The following BCL9L variants were observed in gnomAD, a reference collection of about 807,000 sequenced individuals.
The protein encoded by BCL9L is B-cell CLL/lymphoma 9-like protein.
BCL9L carries 19 observed loss-of-function variants against 99.4 expected under a neutral mutation model. The observed-to-expected ratio is 0.19, with a 90% CI of 0.13 to 0.28. The LOEUF is 0.28. Among genes scored for constraint, BCL9L ranks in the 10% least tolerant of loss-of-function variants. The pLI is 1.00. For missense variants in BCL9L, 2,023 were observed against 2,101.6 expected, an observed-to-expected ratio of 0.96 and a Z score of 0.73; for synonymous variants, 900 against 854.8, an observed-to-expected ratio of 1.05 and a Z score of -0.92.
intron 9 of BCL9L, among the ~76,000 whole-genome samples, 177 bp from the exon 10 acceptor site, chr11:118,899,685 C>G (rs1026377972): frequency 6.6e-6 from 1 of 152,098 alleles, no homozygotes; most frequent in South Asian, 2.1e-4. Context: ...GCCAAGAGAC[C>G]AAGTTCTGGC....
chr11:118,902,769 C>A lies in BCL9L; in HGVS notation c.974G>T (p.Gly325Val), dbSNP rs1940326685. 2 of 1,583,720 alleles carry A rather than the reference C, an allele frequency of 1.3e-6. No individual in the cohort carries two copies. The highest frequency in any genetic ancestry group is 1.7e-6 in the Non-Finnish European group (2 of 1,172,556). The part of the protein sequence containing the change: ...GSAPPALPPE[G>V]PPEDSSQDLA... ...GTCCTGACTGCTGTCCTCAGGAGGC[C>A]CCTCTGGGGGCAGAGCAGGCGGGGC... The change falls in exon 8 of 10, where the codon GGG (glycine) becomes GTG (valine). Residue 325 changes from glycine (G) to valine (V), a missense_variant. Coordinates refer to ENST00000683865, the MANE Select transcript of BCL9L (RefSeq NM_001378213.1). This position sits in a 1 kb window ranked among gnomAD's most constrained non-coding sequence, Gnocchi z 7.8.
At chr11:118,924,321 CCAGACA>C (rs55715016) in intron 1 of BCL9L, among the ~76,000 whole-genome samples, 91 of 150,194 alleles carry the variant, frequency 6.1e-4, no homozygotes, top group South Asian at 8.5e-4. Flanking sequence ...AGAGGTTCCC[CCAGACA>C]CAGACACAGA....
rs948907311 is a variant in BCL9L at position 118,922,931 on chromosome 11, C to G, written c.-131+2307G>C. On this transcript the variant is annotated intron_variant, in intron 1 of 9. Coordinates refer to ENST00000683865, the MANE Select transcript of BCL9L (RefSeq NM_001378213.1). This position sits in a 1 kb window ranked among gnomAD's most constrained non-coding sequence, Gnocchi z 6.2. ...TGGGAAGACTGGAAACTTGAACACC[C>G]CAGCTCTCCAGAGCTGTCCCAGGGT... Among the ~76,000 whole-genome samples, 2 of 152,090 alleles carry G rather than the reference C, an allele frequency of 1.3e-5. No individual in the cohort carries two copies. Among genetic ancestry groups the G allele is most frequent in the African/African-American group, 2.4e-5 (1 of 41,426 alleles).
rs777304793 is a variant in BCL9L at position 118,902,553 on chromosome 11, T to C, written c.1190A>G (p.Glu397Gly). Residue 397 changes from glutamate (E) to glycine (G), a missense_variant, in exon 8 of 10, where the codon GAG (glutamate) becomes GGG (glycine). Physicochemically the swap from Glu to Gly is moderately conservative, Grantham distance 98. Around this residue, in one of 3 missense-constraint regions of BCL9L, gnomAD observed 1,116 missense variants for 1,194.6 expected, o/e 0.93. Coordinates refer to ENST00000683865, the MANE Select transcript of BCL9L (RefSeq NM_001378213.1). The surrounding 1 kb of genome is among the most constrained non-coding windows in gnomAD (Gnocchi z 7.8). ...GNGQRSLVGSEGLSKEQLEHR... is the reference protein window; with the variant it reads ...GNGQRSLVGSGGLSKEQLEHR... Reference sequence around the variant, plus strand: ...CTCCAGCTGCTCTTTGGACAAGCCCTCTGAGCCCACCAGGCTGCGCTGCCC... The same window carrying C: ...CTCCAGCTGCTCTTTGGACAAGCCCCCTGAGCCCACCAGGCTGCGCTGCCC... 6.2e-7 allele frequency: 1 copy of C among 1,602,236 alleles called. No homozygotes were observed. Among genetic ancestry groups the C allele is most frequent in the South Asian group, 1.1e-5 (1 of 91,086 alleles).
chr11:118,900,365 A>G lies in BCL9L; in HGVS notation c.3125-167T>C, dbSNP rs973784026. Among the ~76,000 whole-genome samples, 2 of 152,050 alleles carry G rather than the reference A, an allele frequency of 1.3e-5. No individual in the cohort carries two copies. The highest frequency in any genetic ancestry group is 2.9e-5 in the Non-Finnish European group (2 of 67,992). ...TCCAGAGCCCACCAGTCTTCAAGCAATTCCTGCAGCCTCAGGGCCCCAGGC... is the reference window on the plus strand; with the variant it reads ...TCCAGAGCCCACCAGTCTTCAAGCAGTTCCTGCAGCCTCAGGGCCCCAGGC... On this transcript the variant is annotated intron_variant, in intron 8 of 9. Transcript: ENST00000683865. The surrounding 1 kb of genome is among the most constrained non-coding windows in gnomAD (Gnocchi z 5.3).
Position 118,900,269 on chromosome 11 carries a change from G to C in BCL9L, c.3125-71C>G, listed in dbSNP as rs1182250727. 1 of 1,447,898 alleles carries C rather than the reference G, an allele frequency of 6.9e-7. No individual in the cohort carries two copies. Among genetic ancestry groups the C allele is most frequent in the African/African-American group, 1.4e-5 (1 of 70,576 alleles). 89.7% of individuals were successfully genotyped at this position (1,447,898 alleles called of 1,614,324 possible). On this transcript the variant is annotated intron_variant, in intron 8 of 9. Coordinates refer to ENST00000683865, the MANE Select transcript of BCL9L (RefSeq NM_001378213.1). This position sits in a 1 kb window ranked among gnomAD's most constrained non-coding sequence, Gnocchi z 5.3. ...GCAGATGAGTTTGGCTGTGGATATG[G>C]GGAGGTTTAGGAAGCGGTCAGTTCC...
intron 2 of BCL9L, among the ~76,000 whole-genome samples, chr11:118,911,600 C>G (rs1303899635): frequency 6.6e-6 from 1 of 152,252 alleles, no homozygotes; most frequent in Non-Finnish European, 1.5e-5. Flanking sequence ...GCATGCATCT[C>G]AGGCTCTCCC....
At chr11:118,907,131 G>A (rs1248409118) in intron 5 of BCL9L, among the ~76,000 whole-genome samples, 1 of 152,176 alleles carries the variant, frequency 6.6e-6, no homozygotes, top group African/African-American at 2.4e-5. Flanking sequence ...TTGCACAGCA[G>A]AGCCAACTGC....
At position 118,897,980 on chromosome 11, in the gene BCL9L, G is replaced by A. The variant is rs1461304954; in HGVS notation, c.*435C>T. ...CGGGTGCGGAGAAACCAAGAGGGAGGTGGAGCTCCAGCAATGCGGACACGA... is the reference window on the plus strand; with the variant it reads ...CGGGTGCGGAGAAACCAAGAGGGAGATGGAGCTCCAGCAATGCGGACACGA... On this transcript the variant is annotated 3_prime_UTR_variant, in exon 10 of 10. Coordinates refer to ENST00000683865, the MANE Select transcript of BCL9L (RefSeq NM_001378213.1). 2 of 426,782 alleles carry A rather than the reference G, an allele frequency of 4.7e-6. No homozygotes were observed. The highest frequency in any genetic ancestry group is 6.8e-5 in the East Asian group (1 of 14,808). The allele number at this position is 426,782 out of a possible 1,614,324, so 26.4% of individuals were successfully genotyped here.
At chr11:118,908,119 G>T in intron 4 of BCL9L, 151 bp downstream of exon 4, 2 of 1,127,600 alleles carry the variant, frequency 1.8e-6, no homozygotes, top group Non-Finnish European at 1.2e-6. Flanking sequence ...TGATCTGGTT[G>T]GTGGGTGTTG....
At position 118,897,753 on chromosome 11, in the gene BCL9L, T is replaced by C; in HGVS notation, c.*662A>G. On this transcript the variant is annotated 3_prime_UTR_variant, in exon 10 of 10. Transcript: ENST00000683865. Reference sequence around the variant, plus strand: ...TGAAGAAGGGGGGAAGGGTTTCTTTTATCCTTTTTTTTTTGTGTGACTTCT... The same window carrying C: ...TGAAGAAGGGGGGAAGGGTTTCTTTCATCCTTTTTTTTTTGTGTGACTTCT... The C allele has an allele frequency of 2.3e-6, 1 of 437,178 alleles. No individual in the cohort carries two copies. The highest frequency in any genetic ancestry group is 4.5e-6 in the Non-Finnish European group (1 of 221,440). 27.1% of individuals were successfully genotyped at this position (437,178 alleles called of 1,614,324 possible).
rs771732549 is a variant in BCL9L, at chr11:118,899,434, G to A, written c.3481C>T (p.Pro1161Ser). ...AAQSPMGMNL[P>S]GQQPLSHEPP... is the part of the protein sequence containing the mutation. ...TCATGGGACAGGGGCTGCTGGCCTG[G>A]CAGGTTCATGCCCATAGGGCTCTGG... The change falls in exon 10 of 10, where the codon CCA (proline) becomes TCA (serine). Residue 1161 changes from proline (P) to serine (S), a missense_variant. Pro to Ser is a moderately conservative substitution (Grantham distance 74). This residue lies in a region of BCL9L where 902 missense variants were observed against 888.2 expected (regional missense o/e 1.02). Coordinates refer to ENST00000683865, the MANE Select transcript of BCL9L (RefSeq NM_001378213.1). The A allele has an allele frequency of 2.4e-5, 38 of 1,600,506 alleles. 1 individual carries two copies. The Admixed American group carries it at 6.4e-4, about 27-fold the overall frequency.
At position 118,903,288 on chromosome 11, in the gene BCL9L, C is replaced by T. The variant is rs775125043; in HGVS notation, c.697G>A (p.Gly233Arg). The change falls in exon 6 of 10, where the codon GGA becomes AGA. Residue 233 changes from glycine (G) to arginine (R), a missense_variant. By Grantham distance (125) the Gly-to-Arg change is moderately radical. Around this residue, in one of 3 missense-constraint regions of BCL9L, gnomAD observed 1,116 missense variants for 1,194.6 expected, o/e 0.93. Transcript: ENST00000683865. The surrounding 1 kb of genome is among the most constrained non-coding windows in gnomAD (Gnocchi z 5.6). ...TATACGAACTGCGAGGGAGGCTTTC[C>T]GGGGACGCCCCCGCCCCCGCCCCCG... ...GGGGGGGGVP[G>R]KPPSQFVYVF... 20 of 1,579,778 alleles carry T rather than the reference C, an allele frequency of 1.3e-5. No individual in the cohort carries two copies. The highest frequency in any genetic ancestry group is 4.6e-5 in the East Asian group (2 of 43,754).
In BCL9L at chr11:118,902,887, G is replaced by C. The variant is rs751263451; in HGVS notation, c.856C>G (p.Pro286Ala). Residue 286 changes from proline to alanine, a missense_variant, in exon 8 of 10, where the codon CCA (proline) becomes GCA (alanine). By Grantham distance (27) the Pro-to-Ala change is conservative. Coordinates refer to ENST00000683865, the MANE Select transcript of BCL9L (RefSeq NM_001378213.1). The surrounding 1 kb of genome is among the most constrained non-coding windows in gnomAD (Gnocchi z 7.8). ...LDQAPKVPPT[P>A]EPLPLSTPSA... Reference sequence around the variant, plus strand: ...GGCGTGCTCAGGGGTAGCGGTTCTGGGGTGGGGGGCACTTTAGGGGCCTGC... The same window carrying C: ...GGCGTGCTCAGGGGTAGCGGTTCTGCGGTGGGGGGCACTTTAGGGGCCTGC... The C allele has an allele frequency of 1.9e-6, 3 of 1,566,812 alleles. No individual in the cohort carries two copies. Among genetic ancestry groups the C allele is most frequent in the Admixed American group, 3.5e-5 (2 of 57,808 alleles).
At chr11:118,905,237 G>C (rs1940458006) in intron 5 of BCL9L, among the ~76,000 whole-genome samples, 1 of 152,104 alleles carries the variant, frequency 6.6e-6, no homozygotes. Context: ...GGCCGGGCAC[G>C]GTGGCTTATG....
intron 3 of BCL9L, 111 bp downstream of exon 3, chr11:118,909,803 G>A: frequency 1.3e-6 from 2 of 1,550,064 alleles, no homozygotes; most frequent in African/African-American, 1.4e-5. Context: ...GGAGCCAGGT[G>A]CCCAGGGCGG....
At chr11:118,904,891 C>T (rs1448377101) in intron 5 of BCL9L, among the ~76,000 whole-genome samples, 1 of 152,124 alleles carries the variant, frequency 6.6e-6, no homozygotes, top group Non-Finnish European at 1.5e-5. Context: ...CAGAAATTTG[C>T]GGGGGAGCTT....
At position 118,901,645 on chromosome 11, in the gene BCL9L, T is replaced by C. The variant is rs750597383; in HGVS notation, c.2098A>G (p.Ser700Gly). 1 of 1,613,802 alleles carries C rather than the reference T, an allele frequency of 6.2e-7. No homozygotes were observed. The highest frequency in any genetic ancestry group is 1.7e-5 in the Admixed American group (1 of 60,036). The change falls in exon 8 of 10, where the codon AGT (serine) becomes GGT (glycine). Residue 700 changes from serine (S) to glycine (G), a missense_variant. Around this residue, in one of 3 missense-constraint regions of BCL9L, gnomAD observed 1,116 missense variants for 1,194.6 expected, o/e 0.93. Transcript: ENST00000683865. This position sits in a 1 kb window ranked among gnomAD's most constrained non-coding sequence, Gnocchi z 6.6. ...GMQRPLGMAGSGMGQSMEMER... is the reference protein window; with the variant it reads ...GMQRPLGMAGGGMGQSMEMER... Reference sequence around the variant, plus strand: ...ATCTCCATGCTCTGTCCCATGCCACTGCCTGCCATGCCCAGGGGGCGCTGC... The same window carrying C: ...ATCTCCATGCTCTGTCCCATGCCACCGCCTGCCATGCCCAGGGGGCGCTGC...
In BCL9L at chr11:118,907,609, A is replaced by G. The variant is rs1940579617; in HGVS notation, c.413-7T>C. The G allele has an allele frequency of 1.2e-6, 2 of 1,611,296 alleles. No homozygotes were observed. The highest frequency in any genetic ancestry group is 1.3e-5 in the African/African-American group (1 of 75,056). On this transcript the variant is annotated splice_polypyrimidine_tract_variant and splice_region_variant and intron_variant, in intron 4 of 9. Transcript: ENST00000683865. Reference sequence around the variant, plus strand: ...TTACTCCGCGGCGCCACCTCTGCCCAGGCAGGACGGAGGAAAGAGTGAGTG... The same window carrying G: ...TTACTCCGCGGCGCCACCTCTGCCCGGGCAGGACGGAGGAAAGAGTGAGTG...
Sources: gnomAD v4.1 joint callset for allele counts (sites outside exome capture counted in the v4.1 genomes callset) on GRCh38, gnomAD v4.1.1 for gene constraint, gnomAD v4.1.1 regional missense constraint, Gnocchi (gnomAD v3.1) non-coding constraint, MANE v1.5 for transcripts, NCBI Gene and HGNC (gene_info 2026-07-23, HGNC 2026-07-21) for gene names.